VPS35: variants seen among roughly 807,000 people sequenced by gnomAD.
The protein encoded by VPS35 is vacuolar protein sorting-associated protein 35.
In VPS35, 21 loss-of-function variants were observed where a neutral mutation model predicts 98.1. The ratio of observed to expected loss-of-function variants is 0.21; its 90% CI spans 0.15 to 0.31. The LOEUF (loss-of-function observed/expected upper bound fraction) is 0.31, where lower values mean the gene tolerates loss of function less well. Among genes scored for constraint, VPS35 ranks in the 10% least tolerant of loss-of-function variants. The pLI, the probability that VPS35 is intolerant of heterozygous loss-of-function variation, is 1.00. For missense variants in VPS35, 554 were observed against 950.8 expected, an observed-to-expected ratio of 0.58 and a Z score of 5.49; for synonymous variants, 268 against 318.2, an observed-to-expected ratio of 0.84 and a Z score of 1.68.
chr16:46,665,953 G>C (rs1421261474), intron 13 of VPS35, among the ~76,000 whole-genome samples: 3 of 152,148 alleles, frequency 2.0e-5, no homozygotes, highest in Admixed American at 1.3e-4. Flanking sequence ...ACCCAGGCTG[G>C]AGTGCAGTGG....
intron 6 of VPS35, among the ~76,000 whole-genome samples, chr16:46,677,907 A>C (rs1317983926): frequency 6.6e-6 from 1 of 152,168 alleles, no homozygotes; most frequent in African/African-American, 2.4e-5. Flanking sequence ...ATTAGGTTCT[A>C]TATTTAGGTC....
At chr16:46,663,993 G>A (rs917603249) in intron 13 of VPS35, among the ~76,000 whole-genome samples, 3 of 149,136 alleles carry the variant, frequency 2.0e-5, no homozygotes, top group Non-Finnish European at 3.0e-5. Flanking sequence ...TTACAGGCAT[G>A]AGCCATCACA....
In VPS35 at chr16:46,660,203, T is replaced by TC. The variant is rs1214768498; in HGVS notation, c.*268_*269insG. ...TTGTGGGTTTTGTGTTTTTTTTTTT[T>TC]TTTTTTTTTACAGATCACAGGAATT... On this transcript the variant is annotated 3_prime_UTR_variant, in exon 17 of 17. Coordinates refer to ENST00000299138, the MANE Select transcript of VPS35 (RefSeq NM_018206.6). 1 of 198,376 alleles carries TC rather than the reference T, an allele frequency of 5.0e-6. No homozygotes were observed. The highest frequency in any genetic ancestry group is 2.4e-5 in the African/African-American group (1 of 42,408). The allele number at this position is 198,376 out of a possible 1,614,324, so 12.3% of individuals were successfully genotyped here.
rs79050797 is a variant in VPS35, at chr16:46,659,391, T to A, written c.*1081A>T. 0.025 allele frequency: 3,777 copies of A among 152,330 alleles called. 82 individuals are homozygous for A. Among genetic ancestry groups the A allele is most frequent in the East Asian group, 0.11 (554 of 5,178 alleles). 9.4% of individuals were successfully genotyped at this position (152,330 alleles called of 1,614,324 possible). ...ATAAATGTTTGCTGTTTTAAGACAG[T>A]AAGTTTTGGGATGGTTTATTATATA... On this transcript the variant is annotated 3_prime_UTR_variant, in exon 17 of 17. Coordinates refer to ENST00000299138, the MANE Select transcript of VPS35 (RefSeq NM_018206.6).
At chr16:46,689,105 G>A (rs1347845287) in intron 1 of VPS35, 26 bp downstream of exon 1, 2 of 1,607,002 alleles carry the variant, frequency 1.2e-6, no homozygotes, top group Admixed American at 1.7e-5. Context: ...GGTCGACCCA[G>A]GTGCCACTGC....
At chr16:46,683,401 A>T (rs1348079378) in intron 2 of VPS35, 107 bp downstream of exon 2, 182 of 1,048,250 alleles carry the variant, frequency 1.7e-4, no homozygotes, top group Non-Finnish European at 1.2e-5. Flanking sequence ...ATGCTGGTAA[A>T]CGGTGAAGAT....
chr16:46,689,012 G>C, intron 1 of VPS35, 119 bp downstream of exon 1: 1 of 1,552,266 alleles, frequency 6.4e-7, no homozygotes, highest in Non-Finnish European at 8.7e-7. Flanking sequence ...AATCGGGCTG[G>C]TCTTAATCCC....
chr16:46,688,992 C>A (rs1210099107), intron 1 of VPS35, 139 bp downstream of exon 1: 6 of 1,542,160 alleles, frequency 3.9e-6, no homozygotes, highest in African/African-American at 2.7e-5. Flanking sequence ...GTCCCCTATC[C>A]CGCAGGCCAA....
At chr16:46,662,163 C>T in intron 15 of VPS35, 80 bp downstream of exon 15, 1 of 1,610,070 alleles carries the variant, frequency 6.2e-7, no homozygotes, top group Non-Finnish European at 8.5e-7. Flanking sequence ...CCAAATGTTT[C>T]ACCTCCAGAA....
Position 46,663,862 on chromosome 16 carries a change from A to ATTTTTTTTTTTTTTTTTTT in VPS35, c.1648-719_1648-701dup, listed in dbSNP as rs546485076. On this transcript the variant is annotated intron_variant, in intron 13 of 16. Coordinates refer to ENST00000299138, the MANE Select transcript of VPS35 (RefSeq NM_018206.6). Reference sequence around the variant, plus strand: ...AGGCTTGCATCACCACACCTGGCTAATTTTTTTTTTTTTTTTTTTTTTTTT... The same window carrying ATTTTTTTTTTTTTTTTTTT: ...AGGCTTGCATCACCACACCTGGCTAATTTTTTTTTTTTTTTTTTTTTTTTTTTTTTTTTTTTTTTTTTTT... Among the ~76,000 whole-genome samples the ATTTTTTTTTTTTTTTTTTT allele has an allele frequency of 2.8e-3, 81 of 28,688 alleles. 26 individuals are homozygous for ATTTTTTTTTTTTTTTTTTT. The highest frequency in any genetic ancestry group is 3.9e-3 in the Admixed American group (5 of 1,282). The allele number at this position is 28,688 out of a possible 152,430, so 18.8% of individuals were successfully genotyped here. A position where few individuals can be genotyped will look rare whatever the true frequency, so the allele number is the denominator to read the frequency against.
At chr16:46,686,244 TA>T (rs1490216817) in intron 1 of VPS35, among the ~76,000 whole-genome samples, 39 of 152,330 alleles carry the variant, frequency 2.6e-4, no homozygotes, top group African/African-American at 8.9e-4. Flanking sequence ...AGTATTTCAT[TA>T]TATATCTATA....
rs369068093 is a variant in VPS35, at chr16:46,660,184, G to GTTTTTTTT, written c.*287_*288insAAAAAAAA. 1.5e-5 allele frequency: 1 copy of GTTTTTTTT among 68,090 alleles called. No homozygotes were observed. The allele number at this position is 68,090 out of a possible 1,614,324, so 4.2% of individuals were successfully genotyped here. On this transcript the variant is annotated 3_prime_UTR_variant, in exon 17 of 17. Coordinates refer to ENST00000299138, the MANE Select transcript of VPS35 (RefSeq NM_018206.6). ...TAGTAGCCAAGATAAGTGCTTGTGG[G>GTTTTTTTT]TTTTGTGTTTTTTTTTTTTTTTTTT...
chr16:46,674,673 A>C lies in VPS35; in HGVS notation c.915-13T>G. 6.3e-7 allele frequency: 1 copy of C among 1,591,930 alleles called. No individual in the cohort carries two copies. Among genetic ancestry groups the C allele is most frequent in the Non-Finnish European group, 8.6e-7 (1 of 1,166,386 alleles). On this transcript the variant is annotated splice_polypyrimidine_tract_variant and intron_variant, in intron 8 of 16. Coordinates refer to ENST00000299138, the MANE Select transcript of VPS35 (RefSeq NM_018206.6). ...AAATAAAGCTAATCTAAAAAAAAAA[A>C]AAACACCCCTTTATTTTAAAAGATA...
Position 46,657,061 on chromosome 16 carries a change from G to C in VPS35, c.*3411C>G, listed in dbSNP as rs1369125957. 6.6e-6 allele frequency: 1 copy of C among 152,220 alleles called. No individual in the cohort carries two copies. The highest frequency in any genetic ancestry group is 2.4e-5 in the African/African-American group (1 of 41,436). 9.4% of individuals were successfully genotyped at this position (152,220 alleles called of 1,614,324 possible). The stretch of plus-strand genomic sequence containing the variant: ...AGATTTTGGAAGCATGGACCATTTT[G>C]TTGGACAATGCAGGGTGCCCTACTG... On this transcript the variant is annotated 3_prime_UTR_variant, in exon 17 of 17. Transcript: ENST00000299138.
Position 46,688,997 on chromosome 16 carries a change from G to A in VPS35, c.3+134C>T, listed in dbSNP as rs952401243. The A allele has an allele frequency of 4.5e-6, 7 of 1,544,572 alleles. No individual in the cohort carries two copies. The African/African-American group carries it at 8.2e-5, about 18-fold the overall frequency. ...TCCTCCTGCTGTCCCCTATCCCGCA[G>A]GCCAAATCGGGCTGGTCTTAATCCC... On this transcript the variant is annotated intron_variant, in intron 1 of 16. Coordinates refer to ENST00000299138, the MANE Select transcript of VPS35 (RefSeq NM_018206.6).
At chr16:46,673,946 A>AT (rs201856691) in intron 10 of VPS35, 348 of 204,462 alleles carry the variant, frequency 1.7e-3, no homozygotes, top group Middle Eastern at 4.2e-3. Context: ...TTTTTTTGGG[A>AT]TTTTTTTTTT....
intron 2 of VPS35, 136 bp from the exon 3 acceptor site, chr16:46,682,311 T>A: frequency 2.8e-6 from 2 of 718,512 alleles, no homozygotes; most frequent in Admixed American, 2.5e-5. Flanking sequence ...TTAACCACAT[T>A]AAAAAAACAA....
rs1966167510 is a variant in VPS35 at position 46,677,364 on chromosome 16, T to C, written c.755A>G (p.Asn252Ser). ...VLTGILEQVV[N>S]CRDALAQEYL... The stretch of plus-strand genomic sequence containing the variant: ...TTCTTGAGCCAAAGCATCCCTACAG[T>C]TTACAACTTGCTCCAATATGCCAGT... The change falls in exon 7 of 17, where the codon AAC becomes AGC. Residue 252 changes from asparagine to serine, a missense_variant. Asn to Ser is a conservative substitution (Grantham distance 46). Transcript: ENST00000299138. 6.2e-7 allele frequency: 1 copy of C among 1,613,996 alleles called. No homozygotes were observed. Among genetic ancestry groups the C allele is most frequent in the Non-Finnish European group, 8.5e-7 (1 of 1,179,948 alleles).
At chr16:46,664,465 C>G (rs570022280) in intron 13 of VPS35, among the ~76,000 whole-genome samples, 62 of 148,654 alleles carry the variant, frequency 4.2e-4, no homozygotes, top group African/African-American at 1.5e-3. Flanking sequence ...ACCTTATTTT[C>G]TTGAGAGTTA....
Sources: allele counts gnomAD v4.1 joint callset (sites outside exome capture counted in the v4.1 genomes callset), GRCh38; gene constraint gnomAD v4.1.1; transcripts MANE v1.5; gene names NCBI Gene and HGNC (gene_info 2026-07-23, HGNC 2026-07-21).